CDH9: variants seen among roughly 807,000 people sequenced by gnomAD.
The protein encoded by CDH9 is cadherin 9.
In CDH9, 28 loss-of-function variants were observed where a neutral mutation model predicts 70.9. That is an observed-to-expected ratio of 0.40 (90% confidence interval 0.29 to 0.54). The LOEUF (loss-of-function observed/expected upper bound fraction) is 0.54, where lower values mean the gene tolerates loss of function less well. CDH9 is among the 20% of genes least tolerant of loss of function. The pLI, the probability that CDH9 is intolerant of heterozygous loss-of-function variation, is 0.59. For synonymous variants in CDH9, 409 were observed against 343.1 expected, an observed-to-expected ratio of 1.19 and a Z score of -2.12; for missense variants, 874 against 984.4, an observed-to-expected ratio of 0.89 and a Z score of 1.50.
chr5:27,011,396 G>A (rs989770506), intron 1 of CDH9, among the ~76,000 whole-genome samples: 1 of 152,038 alleles, frequency 6.6e-6, no homozygotes, highest in Non-Finnish European at 1.5e-5. Context: ...AAGAGACACA[G>A]ACAGCAGGCA....
chr5:26,953,319 A>AAAACAAACT (rs1741886506), intron 2 of CDH9, among the ~76,000 whole-genome samples: 1 of 152,192 alleles, frequency 6.6e-6, no homozygotes, highest in South Asian at 2.1e-4. Context: ...ATATTTTCTA[A>AAAACAAACT]AAACAAACTA....
intron 2 of CDH9, among the ~76,000 whole-genome samples, chr5:26,966,378 C>A (rs972049362): frequency 2.0e-5 from 3 of 152,224 alleles, no homozygotes; most frequent in Admixed American, 2.0e-4. Flanking sequence ...TCGGCCTCAA[C>A]ATCTGCCTCC....
chr5:27,007,939 C>T (rs1344499305), intron 1 of CDH9, among the ~76,000 whole-genome samples: 1 of 151,568 alleles, frequency 6.6e-6, no homozygotes, highest in African/African-American at 2.4e-5. Context: ...TTTATGGGCT[C>T]CATGTTAAAC....
chr5:27,002,934 T>C (rs1275269752), intron 1 of CDH9, among the ~76,000 whole-genome samples: 1 of 151,140 alleles, frequency 6.6e-6, no homozygotes, highest in Non-Finnish European at 1.5e-5. Context: ...AAGATAAAAA[T>C]AAAAAATAAA....
At chr5:26,947,996 A>G (rs1384400771) in intron 2 of CDH9, among the ~76,000 whole-genome samples, 1 of 152,180 alleles carries the variant, frequency 6.6e-6, no homozygotes, top group Non-Finnish European at 1.5e-5. Flanking sequence ...AATTTTGAAC[A>G]CCGAGAGTCG....
intron 11 of CDH9, among the ~76,000 whole-genome samples, chr5:26,883,060 T>G (rs1207431929): frequency 0.014 from 1,493 of 106,052 alleles, 109 homozygotes; most frequent in African/African-American, 0.02. Context: ...TATATATATA[T>G]ATATATATAT....
Position 26,949,724 on chromosome 5 carries a change from G to A in CDH9, c.229-33800C>T, listed in dbSNP as rs189631387. ...AGGACTGAAATAACATTCCTAGAAGGTTGTCAGCATGATGAAAAAGTCTTG... is the reference window on the plus strand; with the variant it reads ...AGGACTGAAATAACATTCCTAGAAGATTGTCAGCATGATGAAAAAGTCTTG... On this transcript the variant is annotated intron_variant, in intron 2 of 11. Transcript: ENST00000231021. 1.4e-3 allele frequency among the ~76,000 whole-genome samples: 212 copies of A among 152,262 alleles called. 1 individual carries two copies. Among genetic ancestry groups the A allele is most frequent in the African/African-American group, 4.8e-3 (200 of 41,544 alleles).
At chr5:26,962,937 AG>A (rs1561020228) in intron 2 of CDH9, among the ~76,000 whole-genome samples, 1 of 152,190 alleles carries the variant, frequency 6.6e-6, no homozygotes, top group East Asian at 1.9e-4. Flanking sequence ...TCTTAATAAA[AG>A]GAACCCTCCT....
chr5:27,005,014 A>C (rs1207468842), intron 1 of CDH9, among the ~76,000 whole-genome samples: 1 of 152,134 alleles, frequency 6.6e-6, no homozygotes, highest in East Asian at 1.9e-4. Context: ...AGCTTATAAA[A>C]TTTGATATTC....
chr5:27,015,940 A>G (rs756026450), intron 1 of CDH9, among the ~76,000 whole-genome samples: 1 of 151,838 alleles, frequency 6.6e-6, no homozygotes, highest in East Asian at 1.9e-4. Context: ...AGACATCATC[A>G]GTCATCATCA....
chr5:26,956,699 T>A (rs1374737914), intron 2 of CDH9, among the ~76,000 whole-genome samples: 1 of 152,092 alleles, frequency 6.6e-6, no homozygotes, highest in Non-Finnish European at 1.5e-5. Flanking sequence ...AGAGAGAAGA[T>A]CCTTACAGGA....
intron 1 of CDH9, among the ~76,000 whole-genome samples, chr5:27,009,107 C>T (rs560932077): frequency 3.3e-5 from 5 of 152,072 alleles, no homozygotes; most frequent in Admixed American, 6.6e-5. Flanking sequence ...TTCTTTCTCC[C>T]GCAGAAAAAT....
At chr5:26,948,370 T>C (rs1741789120) in intron 2 of CDH9, among the ~76,000 whole-genome samples, 1 of 152,186 alleles carries the variant, frequency 6.6e-6, no homozygotes, top group Non-Finnish European at 1.5e-5. Flanking sequence ...CAACAAAATA[T>C]TCAATGTGCC....
intron 11 of CDH9, among the ~76,000 whole-genome samples, chr5:26,882,365 T>A (rs913030059): frequency 6.6e-6 from 1 of 152,098 alleles, no homozygotes; most frequent in African/African-American, 2.4e-5. Context: ...GAATGAAACG[T>A]TAATTGTATT....
intron 1 of CDH9, among the ~76,000 whole-genome samples, chr5:27,016,076 T>A (rs1743041642): frequency 6.6e-6 from 1 of 151,778 alleles, no homozygotes; most frequent in Non-Finnish European, 1.5e-5. Context: ...TAATTTAATA[T>A]GAATAATCAC....
At chr5:27,004,060 A>T (rs190879057) in intron 1 of CDH9, among the ~76,000 whole-genome samples, 2 of 151,148 alleles carry the variant, frequency 1.3e-5, no homozygotes, top group African/African-American at 4.9e-5. Context: ...GAGGGAGGAT[A>T]AATTGGGGAG....
chr5:27,018,975 C>T (rs956146081), intron 1 of CDH9, among the ~76,000 whole-genome samples: 10 of 151,842 alleles, frequency 6.6e-5, no homozygotes, highest in Middle Eastern at 3.2e-3. Flanking sequence ...AAGTAAAATA[C>T]GTTTTTATTA....
rs1202765157 is a variant in CDH9, at chr5:26,881,231, C to T, written c.2275G>A (p.Asp759Asn). The T allele has an allele frequency of 6.2e-7, 1 of 1,613,372 alleles. No individual in the cohort carries two copies. Among genetic ancestry groups the T allele is most frequent in the South Asian group, 1.1e-5 (1 of 91,072 alleles). The change falls in exon 12 of 12, where the codon GAT becomes AAT. Residue 759 changes from aspartate (D) to asparagine (N), a missense_variant. By Grantham distance (23) the Asp-to-Asn change is conservative. Transcript: ENST00000231021. The stretch of plus-strand genomic sequence containing the variant: ...AGGTAATCATAATCTTGGTTACAAT[C>T]AGCTGTGAGAGATTCCAAAGAACTG... ...SLSSLESLTA[D>N]CNQDYDYLSD... is the part of the protein sequence containing the mutation.
chr5:26,949,012 C>T (rs13176868), intron 2 of CDH9, among the ~76,000 whole-genome samples: 1,859 of 152,266 alleles, frequency 0.012, 15 homozygotes, highest in Middle Eastern at 0.024. Context: ...GCCTTAAATA[C>T]ATTCTTTTGA....
Sources: allele counts gnomAD v4.1 joint callset (sites outside exome capture counted in the v4.1 genomes callset), GRCh38; gene constraint gnomAD v4.1.1; transcripts MANE v1.5; gene names NCBI Gene and HGNC (gene_info 2026-07-23, HGNC 2026-07-21).